PREX1: variants seen among roughly 807,000 people sequenced by gnomAD.
PREX1 encodes phosphatidylinositol 3,4,5-trisphosphate-dependent Rac exchanger 1 protein.
In PREX1, 41 loss-of-function variants were observed where a neutral mutation model predicts 198.3. The ratio of observed to expected loss-of-function variants is 0.21; its 90% confidence interval spans 0.16 to 0.27. The LOEUF (loss-of-function observed/expected upper bound fraction) is 0.27, where lower values mean the gene tolerates loss of function less well. Among genes scored for constraint, PREX1 ranks in the 10% least tolerant of loss-of-function variants. The probability of loss-of-function intolerance (pLI) is 1.00; values close to 1 mark genes in which losing one functional copy is unlikely to be tolerated. For synonymous variants in PREX1, 843 were observed against 887.2 expected (o/e 0.95, Z 0.89); for missense variants, 1,620 against 2,200.7 (o/e 0.74, Z 5.28).
intron 1 of PREX1, among the ~76,000 whole-genome samples, chr20:48,804,337 G>A (rs1297491061): frequency 6.6e-6 from 1 of 152,204 alleles, no homozygotes; most frequent in Non-Finnish European, 1.5e-5. Context: ...GTGCCACGGA[G>A]AAGAGGGAGA....
At position 48,755,642 on chromosome 20, in the gene PREX1, C is replaced by T. The variant is rs557304809; in HGVS notation, c.220-7762G>A. Among the ~76,000 whole-genome samples the T allele has an allele frequency of 4.3e-4, 65 of 152,294 alleles. 1 individual carries two copies. The highest frequency in any genetic ancestry group is 1.5e-3 in the African/African-American group (64 of 41,558). The stretch of plus-strand genomic sequence containing the variant: ...AAGCCACGTGTTGGGGAAAACAGAG[C>T]AGCATTCAGTAGGCACTTATGTTCC... On this transcript the variant is annotated intron_variant, in intron 1 of 39. Coordinates refer to ENST00000371941, the MANE Select transcript of PREX1 (RefSeq NM_020820.4).
Position 48,638,756 on chromosome 20 carries a change from C to T in PREX1, c.3905-1004G>A, listed in dbSNP as rs901794744. Among the ~76,000 whole-genome samples, 5 of 152,184 alleles carry T rather than the reference C, an allele frequency of 3.3e-5. No homozygotes were observed. The East Asian group carries it at 7.7e-4, about 23-fold the overall frequency. ...GCACTGAGCGCATGACCTATGCTGA[C>T]TCATTTAATCCTCCTGACCACACGG... On this transcript the variant is annotated intron_variant, in intron 30 of 39. Transcript: ENST00000371941.
intron 1 of PREX1, among the ~76,000 whole-genome samples, chr20:48,814,533 G>A (rs1271665138): frequency 2.6e-5 from 4 of 152,182 alleles, no homozygotes; most frequent in Non-Finnish European, 5.9e-5. Context: ...TTAGAGGCTG[G>A]AGCCAGTTGA....
At chr20:48,694,633 C>T (rs1170138093) in intron 7 of PREX1, among the ~76,000 whole-genome samples, 1 of 152,216 alleles carries the variant, frequency 6.6e-6, no homozygotes, top group African/African-American at 2.4e-5. Flanking sequence ...TGTATGCTCA[C>T]CAAGAGCCAG....
the PREX1 span, among the ~76,000 whole-genome samples, chr20:48,888,143 C>A: frequency 6.6e-6 from 1 of 151,926 alleles, no homozygotes; most frequent in Non-Finnish European, 1.5e-5. Context: ...TTGTGCAGGG[C>A]GAAAAGCACT....
chr20:48,774,788 C>T (rs1427295541), intron 1 of PREX1, among the ~76,000 whole-genome samples: 2 of 152,262 alleles, frequency 1.3e-5, no homozygotes, highest in African/African-American at 4.8e-5. Context: ...GGCAAATCTC[C>T]GGCCCCTCCG....
chr20:48,743,247 G>C (rs1413788208), intron 3 of PREX1, among the ~76,000 whole-genome samples: 1 of 152,184 alleles, frequency 6.6e-6, no homozygotes, highest in African/African-American at 2.4e-5. Flanking sequence ...GTTGGCTCCA[G>C]AGAAAAAGCA....
At chr20:48,850,504 C>G in the PREX1 span, among the ~76,000 whole-genome samples, 1 of 152,174 alleles carries the variant, frequency 6.6e-6, no homozygotes, top group African/African-American at 2.4e-5. Flanking sequence ...GGGACAGGGA[C>G]AGGGACAGGG....
chr20:48,669,352 C>T (rs2089660385), intron 14 of PREX1, among the ~76,000 whole-genome samples: 1 of 152,208 alleles, frequency 6.6e-6, no homozygotes, highest in South Asian at 2.1e-4. Context: ...GCTCACCAGT[C>T]ACACACACTC....
intron 33 of PREX1, among the ~76,000 whole-genome samples, chr20:48,633,190 A>C (rs1273143604): frequency 1.3e-5 from 2 of 152,232 alleles, no homozygotes; most frequent in Non-Finnish European, 2.9e-5. Flanking sequence ...GCCTGGAGAC[A>C]GGCAGCTGCT....
At chr20:48,635,890 T>C (rs1283160417) in intron 32 of PREX1, among the ~76,000 whole-genome samples, 1 of 152,220 alleles carries the variant, frequency 6.6e-6, no homozygotes, top group East Asian at 1.9e-4. Flanking sequence ...GCTTCCTCCC[T>C]GGGCCCCAGG....
chr20:48,690,695 C>T (rs761327085), intron 9 of PREX1, among the ~76,000 whole-genome samples: 6 of 152,162 alleles, frequency 3.9e-5, no homozygotes, highest in Non-Finnish European at 8.8e-5. Flanking sequence ...AGTCCTAATG[C>T]TTAAGGGTGA....
intron 3 of PREX1, among the ~76,000 whole-genome samples, chr20:48,740,523 A>C (rs915201661): frequency 2.0e-5 from 3 of 152,152 alleles, no homozygotes; most frequent in African/African-American, 7.2e-5. Flanking sequence ...TTCCTTCCAG[A>C]TGGGACTATC....
intron 1 of PREX1, among the ~76,000 whole-genome samples, chr20:48,826,283 G>A (rs552269281): frequency 6.6e-6 from 1 of 152,156 alleles, no homozygotes; most frequent in Admixed American, 6.5e-5. Context: ...CAGGAGGCAT[G>A]GAGATTAAAG....
chr20:48,627,869 G>A lies in PREX1; in HGVS notation c.4861C>T (p.Arg1621Trp). The stretch of plus-strand genomic sequence containing the variant: ...TGGCCAAGCGGCCTCACCTGCTTCC[G>A]CATGATGTCCGTGGCCTGCATGATG... ...KCIMQATDIM[R>W]KQGPRVEILA... The change falls in exon 38 of 40, where the codon CGG becomes TGG. Residue 1621 changes from arginine to tryptophan, a missense_variant. Physicochemically the swap from Arg to Trp is moderately radical, Grantham distance 101 (BLOSUM62 -3). Transcript: ENST00000371941. The A allele has an allele frequency of 1.9e-6, 3 of 1,612,758 alleles. No homozygotes were observed. Among genetic ancestry groups the A allele is most frequent in the Non-Finnish European group, 2.5e-6 (3 of 1,179,802 alleles).
chr20:48,871,692 G>A, the PREX1 span, among the ~76,000 whole-genome samples: 1 of 97,414 alleles, frequency 1.0e-5, no homozygotes, highest in African/African-American at 4.1e-5. Context: ...ATGATTTTGG[G>A]TAATTTACTT....
chr20:48,695,417 T>C (rs1261584319), intron 7 of PREX1, among the ~76,000 whole-genome samples: 1 of 152,202 alleles, frequency 6.6e-6, no homozygotes. Flanking sequence ...TGTGTGTGCA[T>C]TTCTTTGGGT....
At chr20:48,668,831 G>A (rs1436077516) in intron 14 of PREX1, among the ~76,000 whole-genome samples, 2 of 152,210 alleles carry the variant, frequency 1.3e-5, no homozygotes, top group Non-Finnish European at 2.9e-5. Context: ...GGGGCCGGCA[G>A]TGGGGAGGCC....
intron 18 of PREX1, chr20:48,656,368 G>A (rs2089543067): frequency 2.3e-6 from 1 of 425,898 alleles, no homozygotes; most frequent in Admixed American, 2.6e-5. Context: ...GCAGCCACAG[G>A]ACTTCGATCA....
Sources: gnomAD v4.1 joint callset for allele counts (sites outside exome capture counted in the v4.1 genomes callset) on GRCh38, gnomAD v4.1.1 for gene constraint, MANE v1.5 for transcripts, NCBI Gene and HGNC (gene_info 2026-07-23, HGNC 2026-07-21) for gene names.